Variants in GRAMD1C observed in about 807,000 individuals in gnomAD.
The protein encoded by GRAMD1C is protein Aster-C.
GRAMD1C carries 89 observed loss-of-function variants against 97.8 expected under a neutral mutation model. The observed-to-expected ratio is 0.91, with a 90% CI of 0.77 to 1.09. The LOEUF is 1.09. Ranked by LOEUF, GRAMD1C falls within the 50% of genes least tolerant of loss-of-function variation. The probability of loss-of-function intolerance (pLI) is 0.00; values close to 1 mark genes in which losing one functional copy is unlikely to be tolerated. For synonymous variants in GRAMD1C, 256 were observed against 267.0 expected (o/e 0.96, Z 0.40); for missense variants, 740 against 766.4 (o/e 0.97, Z 0.41).
rs114227162 is a variant in GRAMD1C, at chr3:113,897,493, A to G, written c.541-3538A>G. On this transcript the variant is annotated intron_variant, in intron 6 of 17. Coordinates refer to ENST00000358160, the MANE Select transcript of GRAMD1C (RefSeq NM_017577.5). ...CCTGTAGAGTGAGGTATAACTTCCAATTCTGCATTCTGACCTGCAACCTTG... is the reference window on the plus strand; with the variant it reads ...CCTGTAGAGTGAGGTATAACTTCCAGTTCTGCATTCTGACCTGCAACCTTG... The G allele has an allele frequency of 1.2e-3, 1,135 of 981,846 alleles. 8 individuals are homozygous for G. In the African/African-American group the frequency reaches 0.018, roughly 16 times the overall value. The allele number at this position is 981,846 out of a possible 1,614,324, so 60.8% of individuals were successfully genotyped here. A position where few individuals can be genotyped will look rare whatever the true frequency, so the allele number is the denominator to read the frequency against.
upstream of GRAMD1C, chr3:113,838,588 A>C: frequency 3.3e-6 from 1 of 304,056 alleles, no homozygotes; most frequent in Non-Finnish European, 6.0e-6. Flanking sequence ...AAAAAAAAAA[A>C]AAAAGTTTCC....
chr3:113,926,333 G>A (rs1014728438), intron 10 of GRAMD1C, among the ~76,000 whole-genome samples: 6 of 152,120 alleles, frequency 3.9e-5, no homozygotes, highest in Non-Finnish European at 7.4e-5. Flanking sequence ...CTATTCTGCT[G>A]TTAATACTTG....
intron 6 of GRAMD1C, chr3:113,885,318 G>T: frequency 6.3e-7 from 1 of 1,583,184 alleles, no homozygotes. Context: ...CGCAGTGTCT[G>T]CTGGGACTGC....
rs1385141347 is a variant in GRAMD1C, at chr3:113,838,924, G to C, written c.15G>C (p.Pro5=). 4 of 1,179,648 alleles carry C rather than the reference G, an allele frequency of 3.4e-6. No individual in the cohort carries two copies. The African/African-American group carries it at 8.3e-5, about 24-fold the overall frequency. The allele number at this position is 1,179,648 out of a possible 1,614,324, so 73.1% of individuals were successfully genotyped here. The change falls in exon 1 of 18, where the codon CCG becomes CCC. Residue 5 remains proline, a synonymous_variant. Coordinates refer to ENST00000358160, the MANE Select transcript of GRAMD1C (RefSeq NM_017577.5). ...AGGGAGCCGCGATGGAGGGCGCTCC[G>C]ACTGTCCGTCAGGTAAGCCGCGGGC... MEGA[P]TVRQVMNEGD... is the part of the protein sequence containing the mutation.
At chr3:113,891,496 A>AT (rs1247978953) in intron 6 of GRAMD1C, among the ~76,000 whole-genome samples, 7 of 151,724 alleles carry the variant, frequency 4.6e-5, no homozygotes, top group African/African-American at 1.7e-4. Context: ...TTAAAAAAAG[A>AT]TAAAAAACCC....
chr3:113,907,368 T>G (rs910983099), intron 8 of GRAMD1C, among the ~76,000 whole-genome samples: 5 of 152,264 alleles, frequency 3.3e-5, no homozygotes, highest in African/African-American at 1.2e-4. Flanking sequence ...CTTGCAAAAC[T>G]TATTCATCTA....
rs560030022 is a variant in GRAMD1C, at chr3:113,876,200, C to A, written c.399C>A (p.Thr133=). 5 of 1,598,312 alleles carry A rather than the reference C, an allele frequency of 3.1e-6. 1 individual carries two copies. In the South Asian group the frequency reaches 4.4e-5, roughly 14 times the overall value. The change falls in exon 5 of 18, where the codon ACC becomes ACA. Residue 133 remains threonine (T), a synonymous_variant. Coordinates refer to ENST00000358160, the MANE Select transcript of GRAMD1C (RefSeq NM_017577.5). The part of the protein sequence containing the change: ...SIALKNITFM[T]KEKTARLIPN... ...CTTTAAAGAATATAACCTTCATGAC[C>A]AAGGAAAAAACTGCTCGACTCATCC...
intron 6 of GRAMD1C, among the ~76,000 whole-genome samples, chr3:113,898,698 G>A (rs943047766): frequency 1.3e-5 from 2 of 152,086 alleles, no homozygotes; most frequent in Admixed American, 6.5e-5. Flanking sequence ...TATTTCCAGT[G>A]AGAATTTATT....
intron 3 of GRAMD1C, among the ~76,000 whole-genome samples, chr3:113,875,121 T>C (rs955991091): frequency 7.2e-6 from 1 of 139,130 alleles, no homozygotes; most frequent in African/African-American, 2.6e-5. Context: ...TATTGATCTT[T>C]TCATGTTAAA....
intron 1 of GRAMD1C, among the ~76,000 whole-genome samples, chr3:113,828,937 A>G (rs934716496): frequency 6.6e-6 from 1 of 152,102 alleles, no homozygotes; most frequent in Non-Finnish European, 1.5e-5. Flanking sequence ...CACTTCTATC[A>G]CCAGCAGTCC....
intron 2 of GRAMD1C, among the ~76,000 whole-genome samples, chr3:113,845,827 T>C (rs560089237): frequency 2.6e-5 from 4 of 152,348 alleles, no homozygotes; most frequent in African/African-American, 9.6e-5. Context: ...TTATAAAGAT[T>C]AGTACAAGTA....
chr3:113,881,771 G>A (rs1339310181), intron 5 of GRAMD1C, among the ~76,000 whole-genome samples: 1 of 152,136 alleles, frequency 6.6e-6, no homozygotes, highest in East Asian at 1.9e-4. Flanking sequence ...GGAACAGCAT[G>A]TATTGATTGT....
chr3:113,849,271 A>T (rs71319385), intron 2 of GRAMD1C, among the ~76,000 whole-genome samples: 1,974 of 119,750 alleles, frequency 0.016, 21 homozygotes, highest in East Asian at 0.029. Flanking sequence ...TTAATATTTT[A>T]TTTATTTATT....
At chr3:113,889,185 A>C (rs1935622455) in intron 6 of GRAMD1C, among the ~76,000 whole-genome samples, 1 of 115,842 alleles carries the variant, frequency 8.6e-6, no homozygotes, top group Non-Finnish European at 1.8e-5. Flanking sequence ...GGGCAGTAAG[A>C]GCAAAACTCC....
chr3:113,905,266 A>G (rs572764724), intron 8 of GRAMD1C, among the ~76,000 whole-genome samples: 1 of 152,218 alleles, frequency 6.6e-6, no homozygotes, highest in Non-Finnish European at 1.5e-5. Flanking sequence ...AGTATCTTTA[A>G]TGATGTCTTT....
chr3:113,896,617 A>G (rs2107437751), intron 6 of GRAMD1C, among the ~76,000 whole-genome samples: 1 of 152,388 alleles, frequency 6.6e-6, no homozygotes, highest in African/African-American at 2.4e-5. Context: ...CTACCATAAT[A>G]TGCTAAAAGC....
At chr3:113,923,974 C>T (rs775936400) in intron 10 of GRAMD1C, among the ~76,000 whole-genome samples, 19 of 151,834 alleles carry the variant, frequency 1.3e-4, no homozygotes, top group Non-Finnish European at 1.8e-4. Flanking sequence ...TTTGTCTGTG[C>T]GGGGTTTTAA....
chr3:113,900,099 C>A (rs370399862), intron 6 of GRAMD1C, among the ~76,000 whole-genome samples: 1 of 152,022 alleles, frequency 6.6e-6, no homozygotes, highest in East Asian at 1.9e-4. Context: ...TGTCTCACGC[C>A]TATAATATCA....
In GRAMD1C at chr3:113,915,706, G is replaced by A; in HGVS notation, c.958G>A (p.Val320Ile). 6.2e-7 allele frequency: 1 copy of A among 1,606,584 alleles called. No homozygotes were observed. The highest frequency in any genetic ancestry group is 1.1e-5 in the South Asian group (1 of 89,846). Residue 320 changes from valine to isoleucine, a missense_variant, in exon 10 of 18, where the codon GTT (valine) becomes ATT (isoleucine). Val to Ile is a conservative substitution (Grantham distance 29, BLOSUM62 3). Transcript: ENST00000358160. ...TTGTGTTTCTGTTTTTCCAGAAAAT[G>A]TTCCTGAGAAAGATCTTCATGGAAG... ...STSDSVDEEN[V>I]PEKDLHGRLF...
Sources: allele counts gnomAD v4.1 joint callset (sites outside exome capture counted in the v4.1 genomes callset), GRCh38; gene constraint gnomAD v4.1.1; transcripts MANE v1.5; gene names NCBI Gene and HGNC (gene_info 2026-07-23, HGNC 2026-07-21).